Variants in ZDHHC15 observed in about 807,000 individuals in gnomAD.
ZDHHC15 encodes the protein zDHHC palmitoyltransferase 15.
ZDHHC15 carries 19 observed loss-of-function variants against 31.7 expected under a neutral mutation model. That is an observed-to-expected ratio of 0.60 (90% confidence interval 0.42 to 0.88). The LOEUF (loss-of-function observed/expected upper bound fraction) is 0.88. Ranked by LOEUF, ZDHHC15 falls within the 40% of genes least tolerant of loss-of-function variation. ZDHHC15 has a pLI of 0.00. For synonymous variants in ZDHHC15, 103 were observed against 90.0 expected (o/e 1.14, Z -0.82); for missense variants, 209 against 251.2 (o/e 0.83, Z 1.14).
chrX:75,513,841 A>C (rs1280725071), intron 1 of ZDHHC15, among the ~76,000 whole-genome samples: 1 of 109,205 alleles, frequency 9.2e-6, no homozygotes, highest in Non-Finnish European at 1.9e-5. Context: ...AAACAAAAAG[A>C]AAATCTTGAA....
rs889851175 is a variant in ZDHHC15 at position 75,515,702 on chromosome X, C to T, written c.136+7187G>A. 2.7e-5 allele frequency among the ~76,000 whole-genome samples: 3 copies of T among 111,731 alleles called. No homozygotes were observed. In the East Asian group the frequency reaches 8.4e-4, roughly 31 times the overall value. On this transcript the variant is annotated intron_variant, in intron 1 of 11. Coordinates refer to ENST00000373367, the MANE Select transcript of ZDHHC15 (RefSeq NM_144969.3). ...ACAGGGATGCCCTCTCTCACCACTC[C>T]TATTCAACAACATATTGGAAGTTCT... is the stretch of plus-strand genomic sequence containing the variant.
intron 3 of ZDHHC15, among the ~76,000 whole-genome samples, chrX:75,464,052 T>C (rs1229851106): frequency 8.9e-6 from 1 of 111,781 alleles, no homozygotes; most frequent in East Asian, 2.8e-4. Context: ...CCAACAATGA[T>C]AGACTGGATT....
chrX:75,486,240 C>T (rs1021592965), intron 2 of ZDHHC15, among the ~76,000 whole-genome samples: 1 of 111,647 alleles, frequency 9.0e-6, no homozygotes, highest in African/African-American at 3.3e-5. Context: ...GGGAGCCAAG[C>T]AAAATATAAA....
chrX:75,394,358 CA>C (rs1352384491), intron 10 of ZDHHC15, among the ~76,000 whole-genome samples: 2 of 108,378 alleles, frequency 1.8e-5, no homozygotes, highest in Non-Finnish European at 1.9e-5. Context: ...ATGGTAGGAG[CA>C]AGCTCTTTTC....
At chrX:75,517,195 T>C (rs2085371425) in intron 1 of ZDHHC15, among the ~76,000 whole-genome samples, 1 of 111,738 alleles carries the variant, frequency 8.9e-6, no homozygotes, top group African/African-American at 3.3e-5. Flanking sequence ...CTCAAGGATC[T>C]AGAACTAGAA....
intron 3 of ZDHHC15, among the ~76,000 whole-genome samples, chrX:75,461,427 G>T (rs1241658712): frequency 9.0e-6 from 1 of 111,243 alleles, no homozygotes; most frequent in Non-Finnish European, 1.9e-5. Context: ...TTCAGGAAAT[G>T]CAGAGAACCC....
Position 75,431,522 on chromosome X carries a change from T to C in ZDHHC15, c.380-2A>G. Reference sequence around the variant, plus strand: ...GACACCGGTCACAGAATCGTACAGCTATAAAAAAAAAAATAAGGTGGTTAG... The same window carrying C: ...GACACCGGTCACAGAATCGTACAGCCATAAAAAAAAAAATAAGGTGGTTAG... On this transcript the variant is annotated splice_acceptor_variant, in intron 4 of 11. Coordinates refer to ENST00000373367, the MANE Select transcript of ZDHHC15 (RefSeq NM_144969.3). LOFTEE classifies it high-confidence loss of function. 1 of 1,200,837 alleles carries C rather than the reference T, an allele frequency of 8.3e-7. No homozygotes were observed. Among genetic ancestry groups the C allele is most frequent in the Non-Finnish European group, 1.1e-6 (1 of 890,637 alleles).
chrX:75,484,070 C>G (rs942925689), intron 2 of ZDHHC15, among the ~76,000 whole-genome samples: 2 of 111,954 alleles, frequency 1.8e-5, no homozygotes, highest in Non-Finnish European at 3.8e-5. Flanking sequence ...AACTTAGATA[C>G]CATTTGATCT....
chrX:75,494,085 T>A (rs1482769121), intron 2 of ZDHHC15, among the ~76,000 whole-genome samples: 21 of 111,439 alleles, frequency 1.9e-4, no homozygotes, highest in Admixed American at 1.9e-4. Context: ...TTCAGCAAAG[T>A]CTCAGGATAC....
At chrX:75,520,042 G>T (rs2085421318) in intron 1 of ZDHHC15, among the ~76,000 whole-genome samples, 3 of 111,827 alleles carry the variant, frequency 2.7e-5, no homozygotes, top group Admixed American at 9.6e-5. Context: ...ATACTGCCTG[G>T]GTTTTAAGTT....
intron 2 of ZDHHC15, among the ~76,000 whole-genome samples, chrX:75,488,617 A>G (rs1283354217): frequency 8.9e-6 from 1 of 112,096 alleles, no homozygotes; most frequent in Non-Finnish European, 1.9e-5. Flanking sequence ...ATAATGAAAA[A>G]TACCCAAGAT....
chrX:75,376,666 C>A (rs748926653), intron 11 of ZDHHC15, among the ~76,000 whole-genome samples: 1 of 111,763 alleles, frequency 8.9e-6, no homozygotes, highest in Non-Finnish European at 1.9e-5. Flanking sequence ...AGAGTTCTTT[C>A]CTCATTGCTT....
intron 6 of ZDHHC15, 61 bp downstream of exon 6, chrX:75,429,887 G>A: frequency 1.8e-6 from 2 of 1,097,625 alleles, no homozygotes; most frequent in Non-Finnish European, 1.2e-6. Flanking sequence ...GCTTAGAAAA[G>A]TGCATATAAT....
At chrX:75,448,280 T>TA (rs1447197158) in intron 4 of ZDHHC15, among the ~76,000 whole-genome samples, 3 of 111,704 alleles carry the variant, frequency 2.7e-5, no homozygotes, top group African/African-American at 9.8e-5. Flanking sequence ...CCACGTCAGG[T>TA]AAAAAACCAG....
intron 1 of ZDHHC15, among the ~76,000 whole-genome samples, chrX:75,509,114 G>A (rs2085218600): frequency 9.0e-6 from 1 of 111,028 alleles, no homozygotes; most frequent in Non-Finnish European, 1.9e-5. Context: ...GCATGGGCAA[G>A]GACTTCATGT....
chrX:75,444,026 T>G (rs771262183), intron 4 of ZDHHC15, among the ~76,000 whole-genome samples: 6 of 110,459 alleles, frequency 5.4e-5, no homozygotes, highest in South Asian at 4.0e-4. Context: ...GGTGGGACTG[T>G]AAACTAGTTC....
intron 11 of ZDHHC15, among the ~76,000 whole-genome samples, chrX:75,375,579 G>T (rs1220553400): frequency 9.0e-6 from 1 of 111,010 alleles, no homozygotes; most frequent in Non-Finnish European, 1.9e-5. Flanking sequence ...CCAACTAGTA[G>T]TCCACAGTGT....
chrX:75,475,088 TA>T (rs929972016), intron 3 of ZDHHC15, among the ~76,000 whole-genome samples: 107 of 110,843 alleles, frequency 9.7e-4, no homozygotes, highest in African/African-American at 3.5e-3. Context: ...TAAAAATAAA[TA>T]AAAAAAAGTT....
chrX:75,513,345 C>T (rs768404333), intron 1 of ZDHHC15, among the ~76,000 whole-genome samples: 28 of 111,807 alleles, frequency 2.5e-4, no homozygotes, highest in Admixed American at 1.4e-3. Context: ...AAGAGTACTC[C>T]AGACTTACAT....
Sources: gnomAD v4.1 joint callset for allele counts (sites outside exome capture counted in the v4.1 genomes callset) on GRCh38, gnomAD v4.1.1 for gene constraint, MANE v1.5 for transcripts, NCBI Gene and HGNC (gene_info 2026-07-23, HGNC 2026-07-21) for gene names.